TNRC18: variants seen among roughly 807,000 people sequenced by gnomAD.
TNRC18 encodes trinucleotide repeat containing 18, also known as trinucleotide repeat-containing gene 18 protein.
Under a neutral mutation model 226.7 loss-of-function variants are expected in TNRC18, and 69 were observed. The ratio of observed to expected loss-of-function variants is 0.30; its 90% CI spans 0.25 to 0.37. The LOEUF (loss-of-function observed/expected upper bound fraction) is 0.37. Among genes scored for constraint, TNRC18 ranks in the 10% least tolerant of loss-of-function variants. TNRC18 has a pLI of 1.00. For missense variants in TNRC18, 4,754 were observed against 4,256.6 expected, an observed-to-expected ratio of 1.12 and a Z score of -3.25; for synonymous variants, 2,449 against 1,927.6, an observed-to-expected ratio of 1.27 and a Z score of -7.09.
intron 25 of TNRC18, 94 bp downstream of exon 25, chr7:5,315,862 G>C (rs1787794869): frequency 4.4e-6 from 4 of 912,526 alleles, no homozygotes; most frequent in Non-Finnish European, 6.3e-6. Context: ...GGCTCCAAAT[G>C]ACTTCAGACA....
At chr7:5,386,977 G>C (rs921981390) in intron 5 of TNRC18, among the ~76,000 whole-genome samples, 3 of 152,176 alleles carry the variant, frequency 2.0e-5, no homozygotes, top group African/African-American at 4.8e-5. Context: ...TGGAGGCTGA[G>C]CCAGGAGAAT....
At chr7:5,378,251 C>T (rs896621170) in intron 5 of TNRC18, among the ~76,000 whole-genome samples, 3 of 152,134 alleles carry the variant, frequency 2.0e-5, no homozygotes, top group Non-Finnish European at 2.9e-5. Context: ...GCTCTGTCAT[C>T]CCCCATCCAA....
At position 5,388,185 on chromosome 7, in the gene TNRC18, A is replaced by G; in HGVS notation, c.1639T>C (p.Ser547Pro). 2 of 1,586,876 alleles carry G rather than the reference A, an allele frequency of 1.3e-6. No homozygotes were observed. Among genetic ancestry groups the G allele is most frequent in the East Asian group, 4.6e-5 (2 of 43,294 alleles). The change falls in exon 5 of 30, where the codon TCC becomes CCC. Residue 547 changes from serine to proline, a missense_variant. By Grantham distance (74) the Ser-to-Pro change is moderately conservative. Transcript: ENST00000430969. ...CCAGGGTCCAGGTAGGCCTTCTTGGAGGAGGAGGCAGCGACCACGGCGGCC... is the reference window on the plus strand; with the variant it reads ...CCAGGGTCCAGGTAGGCCTTCTTGGGGGAGGAGGCAGCGACCACGGCGGCC... ...EEAAVVAASSSKKAYLDPGAV... is the reference protein window; with the variant it reads ...EEAAVVAASSPKKAYLDPGAV...
chr7:5,309,452 C>A lies in TNRC18; in HGVS notation c.8389-84G>T. ...CTGGCAGGCTCTGCCGCTTGGGACT[C>A]TGGGCCCTCGGCCTCTAAATCAACC... On this transcript the variant is annotated intron_variant, in intron 27 of 29. Coordinates refer to ENST00000430969, the MANE Select transcript of TNRC18 (RefSeq NM_001080495.3). This position sits in a 1 kb window ranked among gnomAD's most constrained non-coding sequence, Gnocchi z 5.7. 1 of 1,276,858 alleles carries A rather than the reference C, an allele frequency of 7.8e-7. No homozygotes were observed. Among genetic ancestry groups the A allele is most frequent in the South Asian group, 1.4e-5 (1 of 69,542 alleles). The allele number at this position is 1,276,858 out of a possible 1,614,324, so 79.1% of individuals were successfully genotyped here.
Position 5,338,012 on chromosome 7 carries a change from G to A in TNRC18, c.5720-4963C>T, listed in dbSNP as rs544471195. On this transcript the variant is annotated intron_variant, in intron 18 of 29. Coordinates refer to ENST00000430969, the MANE Select transcript of TNRC18 (RefSeq NM_001080495.3). ...AACAAAACAAAACAAAACTAAGTTT[G>A]TAACATTGTCTTTAGGGGTTGATAC... Among the ~76,000 whole-genome samples the A allele has an allele frequency of 5.3e-5, 8 of 152,154 alleles. No individual in the cohort carries two copies. The East Asian group carries it at 1.5e-3, about 29-fold the overall frequency.
At chr7:5,360,770 G>C (rs545869297) in intron 14 of TNRC18, among the ~76,000 whole-genome samples, 2 of 152,040 alleles carry the variant, frequency 1.3e-5, no homozygotes, top group Non-Finnish European at 2.9e-5. Flanking sequence ...TCCTCTCTTC[G>C]GTCAGAAACA....
In TNRC18 at chr7:5,357,207, A is replaced by G. The variant is rs1364293802; in HGVS notation, c.4903T>C (p.Ser1635Pro). 11 of 1,611,998 alleles carry G rather than the reference A, an allele frequency of 6.8e-6. No homozygotes were observed. The highest frequency in any genetic ancestry group is 9.3e-6 in the Non-Finnish European group (11 of 1,179,218). Residue 1635 changes from serine (S) to proline (P), a missense_variant, in exon 16 of 30, where the codon TCC (serine) becomes CCC (proline). Physicochemically the swap from Ser to Pro is moderately conservative, Grantham distance 74. Transcript: ENST00000430969. ...TTCAACTTGTCCTGCTTGGTGAGGG[A>G]GAGGGCCTTGTCGAGCTTGCTTGCC... ...QLASKLDKALSLTKQDKLKSP... is the reference protein window; with the variant it reads ...QLASKLDKALPLTKQDKLKSP...
chr7:5,375,189 A>G (rs1794536066), intron 9 of TNRC18, among the ~76,000 whole-genome samples: 1 of 152,164 alleles, frequency 6.6e-6, no homozygotes, highest in Admixed American at 6.5e-5. Flanking sequence ...TGTGCCTGTA[A>G]TTCCAGCTAC....
chr7:5,379,964 T>A (rs1015462394), intron 5 of TNRC18, among the ~76,000 whole-genome samples: 2 of 152,132 alleles, frequency 1.3e-5, no homozygotes, highest in African/African-American at 2.4e-5. Context: ...CCAGCTGCAA[T>A]GTCAGGGGAT....
In TNRC18 at chr7:5,361,978, C is replaced by T. The variant is rs760155498; in HGVS notation, c.4451G>A (p.Arg1484Gln). Reference protein sequence around the residue: ...EDMDALELDFRMRLAEVQRQY... With the variant: ...EDMDALELDFQMRLAEVQRQY... ...GCGCTGCACCTCGGCCAGCCGCATC[C>T]GGAAGTCCAGCTCCAGGGCGTCCAT... The change falls in exon 13 of 30, where the codon CGG (arginine) becomes CAG (glutamine). Residue 1484 changes from arginine (R) to glutamine (Q), a missense_variant. By Grantham distance (43) the Arg-to-Gln change is conservative (BLOSUM62 1). Transcript: ENST00000430969. 8.1e-6 allele frequency: 13 copies of T among 1,613,320 alleles called. No homozygotes were observed. Among genetic ancestry groups the T allele is most frequent in the East Asian group, 2.2e-5 (1 of 44,860 alleles).
At chr7:5,365,193 C>T (rs1418114570) in intron 11 of TNRC18, among the ~76,000 whole-genome samples, 1 of 152,206 alleles carries the variant, frequency 6.6e-6, no homozygotes, top group Non-Finnish European at 1.5e-5. Context: ...GTCACCACAG[C>T]CTCAAGCTGC....
At chr7:5,354,445 G>A (rs184045057) in intron 16 of TNRC18, among the ~76,000 whole-genome samples, 3 of 151,464 alleles carry the variant, frequency 2.0e-5, no homozygotes, top group East Asian at 1.9e-4. Context: ...AATCTCCCCC[G>A]ACTTCCCTGA....
intron 17 of TNRC18, among the ~76,000 whole-genome samples, chr7:5,349,366 G>A (rs1006346957): frequency 1.1e-4 from 16 of 152,244 alleles, no homozygotes; most frequent in Middle Eastern, 6.8e-3. Context: ...GGGACAGGGA[G>A]GGGGGAAAAA....
intron 14 of TNRC18, among the ~76,000 whole-genome samples, chr7:5,360,317 C>T (rs558150536): frequency 1.3e-5 from 2 of 152,024 alleles, no homozygotes; most frequent in Non-Finnish European, 2.9e-5. Flanking sequence ...GCAACCTCTG[C>T]CTCCCAGGTT....
chr7:5,358,050 T>C (rs1353015669), intron 15 of TNRC18, among the ~76,000 whole-genome samples: 1 of 152,098 alleles, frequency 6.6e-6, no homozygotes, highest in South Asian at 2.1e-4. Context: ...AGGAAAGGAA[T>C]CAAGATCAAA....
chr7:5,308,364 G>A, intron 29 of TNRC18, 52 bp from the exon 30 acceptor site: 1 of 1,510,650 alleles, frequency 6.6e-7, no homozygotes, highest in African/African-American at 1.4e-5. Flanking sequence ...CAGAGGCCGA[G>A]GGAGCCCCAG....
rs1467625314 is a variant in TNRC18 at position 5,361,979 on chromosome 7, G to A, written c.4450C>T (p.Arg1484Trp). The A allele has an allele frequency of 3.7e-6, 6 of 1,613,294 alleles. No individual in the cohort carries two copies. The highest frequency in any genetic ancestry group is 2.2e-5 in the East Asian group (1 of 44,862). ...CGCTGCACCTCGGCCAGCCGCATCC[G>A]GAAGTCCAGCTCCAGGGCGTCCATG... ...EDMDALELDF[R>W]MRLAEVQRQY... The change falls in exon 13 of 30, where the codon CGG (arginine) becomes TGG (tryptophan). Residue 1484 changes from arginine (R) to tryptophan (W), a missense_variant. Transcript: ENST00000430969.
intron 2 of TNRC18, among the ~76,000 whole-genome samples, chr7:5,399,985 G>A (rs888513744): frequency 6.6e-6 from 1 of 151,572 alleles, no homozygotes; most frequent in Admixed American, 6.6e-5. Context: ...AACCTCCCGG[G>A]CTCAAGCAAT....
At chr7:5,413,328 C>G (rs1562639653) in intron 2 of TNRC18, among the ~76,000 whole-genome samples, 1 of 152,126 alleles carries the variant, frequency 6.6e-6, no homozygotes, top group Admixed American at 6.6e-5. Context: ...CCTCCCCATC[C>G]CTCCACAAGT....
Sources: allele counts gnomAD v4.1 joint callset (sites outside exome capture counted in the v4.1 genomes callset), GRCh38; gene constraint gnomAD v4.1.1; non-coding constraint Gnocchi (gnomAD v3.1); transcripts MANE v1.5; gene names NCBI Gene and HGNC (gene_info 2026-07-23, HGNC 2026-07-21).